CDK12: variants seen among roughly 807,000 people sequenced by gnomAD.
CDK12 encodes cyclin dependent kinase 12, also known as cyclin-dependent kinase 12.
A neutral mutation model predicts 133.8 loss-of-function variants in CDK12; 17 were observed. The observed-to-expected ratio is 0.13, with a 90% CI of 0.09 to 0.19. CDK12 has a LOEUF of 0.19. Ranked by LOEUF, CDK12 falls within the 10% of genes least tolerant of loss-of-function variation. The probability of loss-of-function intolerance (pLI) is 1.00; values close to 1 mark genes in which losing one functional copy is unlikely to be tolerated. For synonymous variants in CDK12, 694 were observed against 683.6 expected (o/e 1.02, Z -0.24); for missense variants, 1,508 against 1,818.7 (o/e 0.83, Z 3.11).
At chr17:39,535,391 T>C (rs2055087014), downstream of CDK12, among the ~76,000 whole-genome samples, 2 of 152,210 alleles carry the variant, frequency 1.3e-5, no homozygotes, top group African/African-American at 4.8e-5. Context: ...TAACCTGTTT[T>C]TGAATCCTCA....
chr17:39,497,388 C>T (rs570665889), intron 5 of CDK12, among the ~76,000 whole-genome samples: 7 of 151,880 alleles, frequency 4.6e-5, no homozygotes, highest in African/African-American at 7.3e-5. Flanking sequence ...ACTAAAAATG[C>T]GAAAATTCGC....
At chr17:39,535,004 A>T (rs2055067804), downstream of CDK12, 1 of 152,188 alleles carries the variant, frequency 6.6e-6, no homozygotes, top group African/African-American at 2.4e-5. Flanking sequence ...CAGCATGGGG[A>T]TTAGTGTACC....
Position 39,471,371 on chromosome 17 carries a change from T to C in CDK12, c.1539T>C (p.Val513=). The C allele has an allele frequency of 6.2e-7, 1 of 1,614,038 alleles. No individual in the cohort carries two copies. Among genetic ancestry groups the C allele is most frequent in the Non-Finnish European group, 8.5e-7 (1 of 1,180,022 alleles). ...SKPIALKEEI[V]TPKETETSEK... ...CCATAGCACTGAAAGAGGAGATTGTTACTCCAAAGGAGACAGAAACATCAG... is the reference window on the plus strand; with the variant it reads ...CCATAGCACTGAAAGAGGAGATTGTCACTCCAAAGGAGACAGAAACATCAG... Residue 513 remains valine, a synonymous_variant, in exon 2 of 14, where the codon GTT becomes GTC. Transcript: ENST00000447079.
chr17:39,506,853 A>G (rs1211147734), intron 6 of CDK12, among the ~76,000 whole-genome samples: 1 of 152,074 alleles, frequency 6.6e-6, no homozygotes, highest in Non-Finnish European at 1.5e-5. Context: ...AAACAATATG[A>G]TGGCACTTCT....
chr17:39,514,360 C>T (rs1430377479), intron 8 of CDK12, among the ~76,000 whole-genome samples: 6 of 152,142 alleles, frequency 3.9e-5, no homozygotes, highest in Admixed American at 3.9e-4. Flanking sequence ...CAAATTAAGT[C>T]AAACTAAAGA....
At chr17:39,544,537 G>A (rs1211140418), upstream of CDK12, among the ~76,000 whole-genome samples, 1 of 151,426 alleles carries the variant, frequency 6.6e-6, no homozygotes, top group Non-Finnish European at 1.5e-5. Context: ...GAGTGCAGTG[G>A]CGCAATCTCA....
chr17:39,511,680 C>A (rs2146380207), intron 8 of CDK12, 50 bp downstream of exon 8: 1 of 1,217,436 alleles, frequency 8.2e-7, no homozygotes, highest in Non-Finnish European at 1.2e-6. Context: ...ATACTGTTGA[C>A]TTGTACTTTG....
In CDK12 at chr17:39,471,282, G is replaced by A. The variant is rs2049771805; in HGVS notation, c.1450G>A (p.Asp484Asn). The A allele has an allele frequency of 6.2e-7, 1 of 1,613,362 alleles. No homozygotes were observed. ...NSSDTGKVKL[D>N]ENSEKHLVKD... ...TTCAGATACAGGGAAAGTAAAGTTG[G>A]ATGAGAACTCCGAGAAGCATCTTGT... The change falls in exon 2 of 14, where the codon GAT becomes AAT. Residue 484 changes from aspartate (D) to asparagine (N), a missense_variant. Asp to Asn is a conservative substitution (Grantham distance 23). This residue lies in a region of CDK12 where 347 missense variants were observed against 330.8 expected (regional missense o/e 1.05). Coordinates refer to ENST00000447079, the MANE Select transcript of CDK12 (RefSeq NM_016507.4).
chr17:39,480,873 G>A (rs140320740), intron 2 of CDK12, among the ~76,000 whole-genome samples: 1 of 152,174 alleles, frequency 6.6e-6, no homozygotes, highest in Non-Finnish European at 1.5e-5. Flanking sequence ...GGCAGCCCAC[G>A]TCCAACATAG....
At chr17:39,463,402 A>G (rs2049084449) in intron 1 of CDK12, among the ~76,000 whole-genome samples, 1 of 152,128 alleles carries the variant, frequency 6.6e-6, no homozygotes, top group Non-Finnish European at 1.5e-5. Flanking sequence ...TAGTGAGTGG[A>G]TGGAGTTGAT....
At chr17:39,500,901 A>AT (rs373106354) in intron 5 of CDK12, among the ~76,000 whole-genome samples, 30 of 145,922 alleles carry the variant, frequency 2.1e-4, no homozygotes, top group South Asian at 4.4e-4. Context: ...TAATTTTTGT[A>AT]TTTTTTTTTT....
rs2052350842 is a variant in CDK12, at chr17:39,498,869, T to G, written c.2420-2381T>G. ...TTTCTCTCAATTTTTAATACTATGATTTTCTCTTTCTTTCTTTCTTTCTTT... is the reference window on the plus strand; with the variant it reads ...TTTCTCTCAATTTTTAATACTATGAGTTTCTCTTTCTTTCTTTCTTTCTTT... On this transcript the variant is annotated intron_variant, in intron 5 of 13. Coordinates refer to ENST00000447079, the MANE Select transcript of CDK12 (RefSeq NM_016507.4). 1.2e-3 allele frequency among the ~76,000 whole-genome samples: 34 copies of G among 27,818 alleles called. 12 individuals are homozygous for G. In the South Asian group the frequency reaches 0.014, roughly 11 times the overall value. 18.2% of individuals were successfully genotyped at this position (27,818 alleles called of 152,430 possible).
chr17:39,492,737 T>C lies in CDK12; in HGVS notation c.2109-14T>C. The stretch of plus-strand genomic sequence containing the variant: ...ATTTTCTTAAATAACTATTTTGTTG[T>C]TTTTACTTTTTAGAATTTGTTGTCC... On this transcript the variant is annotated splice_polypyrimidine_tract_variant and intron_variant, in intron 3 of 13. Transcript: ENST00000447079. The C allele has an allele frequency of 6.2e-7, 1 of 1,603,654 alleles. No individual in the cohort carries two copies. Among genetic ancestry groups the C allele is most frequent in the Non-Finnish European group, 8.5e-7 (1 of 1,176,002 alleles).
At chr17:39,558,801 G>T (rs1376738585) in intron 3 of CDK12, among the ~76,000 whole-genome samples, 1 of 152,160 alleles carries the variant, frequency 6.6e-6, no homozygotes, top group Non-Finnish European at 1.5e-5. Context: ...GTGCCACCAT[G>T]CCTAGCTAAT....
At chr17:39,498,258 TCAGTTGCC>T (rs2052296167) in intron 5 of CDK12, among the ~76,000 whole-genome samples, 1 of 151,904 alleles carries the variant, frequency 6.6e-6, no homozygotes. Flanking sequence ...GGCGTCTCAC[TCAGTTGCC>T]CAGGCTGGAG....
At chr17:39,527,194 T>C (rs548449112) in intron 13 of CDK12, among the ~76,000 whole-genome samples, 1 of 152,390 alleles carries the variant, frequency 6.6e-6, no homozygotes, top group Admixed American at 6.5e-5. Flanking sequence ...TTTAGGGTCC[T>C]ACATTCACAT....
chr17:39,552,675 G>C (rs1228390311), intron 2 of CDK12, among the ~76,000 whole-genome samples: 2 of 152,176 alleles, frequency 1.3e-5, no homozygotes, highest in Non-Finnish European at 2.9e-5. Flanking sequence ...CCAAGGAACA[G>C]AGCCTCCTTT....
intron 1 of CDK12, among the ~76,000 whole-genome samples, chr17:39,470,363 T>C (rs9747983): frequency 0.82 from 124,237 of 152,030 alleles, 50,985 homozygotes; most frequent in South Asian, 0.92. Context: ...CCTGGTGATC[T>C]GCCCGCCTCA....
Position 39,492,809 on chromosome 17 carries a change from T to C in CDK12, c.2167T>C (p.Cys723Arg). The C allele has an allele frequency of 1.2e-6, 2 of 1,613,456 alleles. No homozygotes were observed. Among genetic ancestry groups the C allele is most frequent in the African/African-American group, 1.3e-5 (1 of 75,018 alleles). Residue 723 changes from cysteine (C) to arginine (R), a missense_variant, in exon 4 of 14, where the codon TGT (cysteine) becomes CGT (arginine). Physicochemically the swap from Cys to Arg is radical, Grantham distance 180. Coordinates refer to ENST00000447079, the MANE Select transcript of CDK12 (RefSeq NM_016507.4). ...RQTESDWGKRCVDKFDIIGII... is the reference protein window; with the variant it reads ...RQTESDWGKRRVDKFDIIGII... Reference sequence around the variant, plus strand: ...AACAGAAAGCGACTGGGGGAAACGCTGTGTGGACAAGTTTGACATTATTGG... The same window carrying C: ...AACAGAAAGCGACTGGGGGAAACGCCGTGTGGACAAGTTTGACATTATTGG...
Sources: allele counts gnomAD v4.1 joint callset (sites outside exome capture counted in the v4.1 genomes callset), GRCh38; gene constraint gnomAD v4.1.1; regional missense constraint gnomAD v4.1.1; transcripts MANE v1.5; gene names NCBI Gene and HGNC (gene_info 2026-07-23, HGNC 2026-07-21).